Variants in NTRK3 observed in about 807,000 individuals in gnomAD.
NTRK3 encodes NT-3 growth factor receptor.
NTRK3 carries 24 observed loss-of-function variants against 91.7 expected under a neutral mutation model. The observed-to-expected ratio is 0.26, with a 90% CI of 0.19 to 0.37. The LOEUF is 0.37. Among genes scored for constraint, NTRK3 ranks in the 10% least tolerant of loss-of-function variants. NTRK3 has a pLI of 1.00. For missense variants in NTRK3, 880 were observed against 1,068.9 expected (o/e 0.82, Z 2.46); for synonymous variants, 483 against 404.0 (o/e 1.20, Z -2.34).
chr15:88,021,142 G>T (rs553278345), intron 14 of NTRK3, among the ~76,000 whole-genome samples: 2 of 152,228 alleles, frequency 1.3e-5, no homozygotes, highest in Non-Finnish European at 2.9e-5. Flanking sequence ...AAGATCCCCT[G>T]ATCCATTTAA....
intron 5 of NTRK3, among the ~76,000 whole-genome samples, chr15:88,166,498 G>C (rs528708707): frequency 6.6e-6 from 1 of 152,212 alleles, no homozygotes; most frequent in Non-Finnish European, 1.5e-5. Context: ...TCTCTGGGGA[G>C]CTGTTCATAG....
At chr15:88,028,050 G>A (rs1288270134) in intron 14 of NTRK3, among the ~76,000 whole-genome samples, 1 of 152,134 alleles carries the variant, frequency 6.6e-6, no homozygotes, top group Non-Finnish European at 1.5e-5. Flanking sequence ...TGAGGGTGAG[G>A]AGGGAAAATG....
chr15:88,231,501 G>A (rs1364223784), intron 3 of NTRK3, among the ~76,000 whole-genome samples: 6 of 151,844 alleles, frequency 4.0e-5, no homozygotes, highest in Non-Finnish European at 7.4e-5. Flanking sequence ...AAATGCAATG[G>A]TCTTCTTTAG....
chr15:88,028,332 C>T (rs2141970523), intron 14 of NTRK3, among the ~76,000 whole-genome samples: 2 of 152,134 alleles, frequency 1.3e-5, no homozygotes, highest in Middle Eastern at 6.8e-3. Context: ...GACACAAACC[C>T]TCAATAAACA....
chr15:88,059,654 C>T (rs908062388), intron 13 of NTRK3, among the ~76,000 whole-genome samples: 14 of 152,124 alleles, frequency 9.2e-5, no homozygotes, highest in Admixed American at 4.6e-4. Flanking sequence ...ATCGTGTGTG[C>T]AGTGAGACCT....
chr15:88,045,545 C>T (rs761301126), intron 13 of NTRK3, among the ~76,000 whole-genome samples: 18 of 152,224 alleles, frequency 1.2e-4, no homozygotes, highest in Admixed American at 6.5e-5. Flanking sequence ...CATTGCCTCT[C>T]CAAAGCTGTG....
exon 19 of NTRK3, chr15:87,869,255 G>A (rs2064764431): frequency 8.7e-6 from 2 of 230,340 alleles, no homozygotes; most frequent in African/African-American, 4.4e-5. Context: ...AAAGTTTATG[G>A]ACAGAGAAAG....
intron 14 of NTRK3, among the ~76,000 whole-genome samples, chr15:87,943,866 G>A (rs975935470): frequency 1.3e-5 from 2 of 151,996 alleles, no homozygotes; most frequent in African/African-American, 4.8e-5. Context: ...GTAGCAGAGG[G>A]CAAGTGACCA....
intron 13 of NTRK3, among the ~76,000 whole-genome samples, chr15:88,059,732 C>T (rs2046038820): frequency 6.6e-6 from 1 of 152,062 alleles, no homozygotes; most frequent in Admixed American, 6.5e-5. Flanking sequence ...ATTGTGACCC[C>T]CCCTAAAATT....
At chr15:88,102,911 C>T (rs893317427) in intron 13 of NTRK3, among the ~76,000 whole-genome samples, 2 of 152,150 alleles carry the variant, frequency 1.3e-5, no homozygotes, top group Non-Finnish European at 2.9e-5. Flanking sequence ...TTGATGAAGG[C>T]GTTTTGATGG....
chr15:87,866,918 AG>A, exon 19 of NTRK3: 2 of 213,340 alleles, frequency 9.4e-6, no homozygotes, highest in Middle Eastern at 2.9e-3. Flanking sequence ...CCTCATCTAT[AG>A]AAATATAGCA....
chr15:88,150,456 G>C lies in NTRK3; in HGVS notation c.396-3053C>G, dbSNP rs1005295814. Among the ~76,000 whole-genome samples the C allele has an allele frequency of 3.0e-4, 46 of 152,318 alleles. 1 individual carries two copies. The highest frequency in any genetic ancestry group is 1.0e-3 in the African/African-American group (42 of 41,570). On this transcript the variant is annotated intron_variant, in intron 5 of 18. Transcript: ENST00000394480. ...ACAAGTCAGAGGAAGGAGGGGTCCT[G>C]GGACCCCTGTTAAGGGGGAAGTGGG...
At chr15:88,131,589 G>A (rs1180779216) in intron 10 of NTRK3, among the ~76,000 whole-genome samples, 1 of 152,220 alleles carries the variant, frequency 6.6e-6, no homozygotes, top group African/African-American at 2.4e-5. Context: ...GGGTTTCAGA[G>A]CCTGAGAGAA....
chr15:88,167,208 T>C (rs1258329172), intron 5 of NTRK3, among the ~76,000 whole-genome samples: 1 of 152,138 alleles, frequency 6.6e-6, no homozygotes, highest in East Asian at 1.9e-4. Flanking sequence ...ATATCACATA[T>C]CATATCACAA....
chr15:88,023,591 C>G (rs936879474), intron 14 of NTRK3, among the ~76,000 whole-genome samples: 5 of 152,156 alleles, frequency 3.3e-5, no homozygotes, highest in African/African-American at 1.2e-4. Flanking sequence ...TGTCAAGATC[C>G]AACCAGGAGA....
At chr15:88,056,649 C>T (rs1478667056) in intron 13 of NTRK3, among the ~76,000 whole-genome samples, 1 of 152,172 alleles carries the variant, frequency 6.6e-6, no homozygotes, top group Non-Finnish European at 1.5e-5. Flanking sequence ...TCACTCGTTC[C>T]CTCCTTCCAC....
chr15:87,888,020 T>G (rs926242251), intron 17 of NTRK3, among the ~76,000 whole-genome samples: 1 of 152,176 alleles, frequency 6.6e-6, no homozygotes, highest in South Asian at 2.1e-4. Flanking sequence ...ACAGGAAATA[T>G]TCCAAGGAAT....
At chr15:87,913,690 T>C (rs961583976) in intron 17 of NTRK3, among the ~76,000 whole-genome samples, 1 of 152,216 alleles carries the variant, frequency 6.6e-6, no homozygotes, top group Non-Finnish European at 1.5e-5. Context: ...TGAAAGCAAT[T>C]CAGTGACATG....
At chr15:87,875,822 G>A (rs1314356646) in exon 19 of NTRK3, 1 of 232,594 alleles carries the variant, frequency 4.3e-6, no homozygotes, top group Non-Finnish European at 8.5e-6. Flanking sequence ...GACCCAGGAA[G>A]TGGGGTCTAG....
Sources: allele counts gnomAD v4.1 joint callset (sites outside exome capture counted in the v4.1 genomes callset), GRCh38; gene constraint gnomAD v4.1.1; transcripts MANE v1.5; gene names NCBI Gene and HGNC (gene_info 2026-07-23, HGNC 2026-07-21).